The following PRKCE variants were observed in gnomAD, a reference collection of about 807,000 sequenced individuals.
PRKCE encodes protein kinase C epsilon, also known as protein kinase C epsilon type.
PRKCE carries 16 observed loss-of-function variants against 85.4 expected under a neutral mutation model. The observed-to-expected ratio is 0.19, with a 90% CI of 0.13 to 0.28. The LOEUF (loss-of-function observed/expected upper bound fraction) is 0.28, where lower values mean the gene tolerates loss of function less well. Among genes scored for constraint, PRKCE ranks in the 10% least tolerant of loss-of-function variants. PRKCE has a pLI of 1.00. For synonymous variants in PRKCE, 388 were observed against 371.5 expected, an observed-to-expected ratio of 1.04 and a Z score of -0.51; for missense variants, 573 against 975.2, an observed-to-expected ratio of 0.59 and a Z score of 5.49.
At chr2:46,082,903 A>T (rs1417031061) in intron 10 of PRKCE, among the ~76,000 whole-genome samples, 1 of 152,158 alleles carries the variant, frequency 6.6e-6, no homozygotes, top group Non-Finnish European at 1.5e-5. Context: ...TTAACATATA[A>T]TTTAACCTTC....
At chr2:45,709,688 C>G (rs1679439663) in intron 1 of PRKCE, among the ~76,000 whole-genome samples, 1 of 152,178 alleles carries the variant, frequency 6.6e-6, no homozygotes, top group African/African-American at 2.4e-5. Flanking sequence ...CAGATCTAAA[C>G]TCTTTCAAAC....
At chr2:46,034,909 T>C (rs1707763834) in intron 10 of PRKCE, among the ~76,000 whole-genome samples, 2 of 152,266 alleles carry the variant, frequency 1.3e-5, no homozygotes. Context: ...TGCTAGCTTG[T>C]TGGCATGCAC....
intron 10 of PRKCE, among the ~76,000 whole-genome samples, chr2:46,035,585 G>A (rs1170870106): frequency 6.6e-6 from 1 of 152,210 alleles, no homozygotes; most frequent in Non-Finnish European, 1.5e-5. Context: ...AGCTCAAGGA[G>A]GGAATAATAT....
chr2:46,101,426 A>G (rs2104083974), intron 11 of PRKCE, among the ~76,000 whole-genome samples: 1 of 152,302 alleles, frequency 6.6e-6, no homozygotes, highest in Non-Finnish European at 1.5e-5. Flanking sequence ...GAAAGAGGAC[A>G]TGGAAGAGTG....
Position 46,001,293 on chromosome 2 carries a change from A to G in PRKCE, c.824-111A>G. Reference sequence around the variant, plus strand: ...TATATTTCTGTATTTTCCAAATTATATCTTAAATGAACATGTAATACTTCA... The same window carrying G: ...TATATTTCTGTATTTTCCAAATTATGTCTTAAATGAACATGTAATACTTCA... On this transcript the variant is annotated intron_variant, in intron 6 of 14. Transcript: ENST00000306156. This position sits in a 1 kb window ranked among gnomAD's most constrained non-coding sequence, Gnocchi z 4.4. 1.0e-6 allele frequency: 1 copy of G among 984,020 alleles called. No homozygotes were observed. 61.0% of individuals were successfully genotyped at this position (984,020 alleles called of 1,614,324 possible).
intron 1 of PRKCE, among the ~76,000 whole-genome samples, chr2:45,806,611 A>G (rs897470375): frequency 6.6e-6 from 1 of 152,168 alleles, no homozygotes; most frequent in African/African-American, 2.4e-5. Flanking sequence ...AAGCACAGGC[A>G]ACCACCCTTC....
chr2:45,703,316 C>G (rs1484679229), intron 1 of PRKCE, among the ~76,000 whole-genome samples: 1 of 152,058 alleles, frequency 6.6e-6, no homozygotes, highest in Non-Finnish European at 1.5e-5. Context: ...AGGAGGATCA[C>G]TTGAGGCCAG....
At chr2:45,838,932 C>T (rs1691121219) in intron 1 of PRKCE, among the ~76,000 whole-genome samples, 1 of 152,108 alleles carries the variant, frequency 6.6e-6, no homozygotes, top group African/African-American at 2.4e-5. Context: ...ATGATAACTG[C>T]ACCAATGATG....
At chr2:45,870,075 C>A (rs1693968764) in intron 2 of PRKCE, among the ~76,000 whole-genome samples, 1 of 152,180 alleles carries the variant, frequency 6.6e-6, no homozygotes, top group African/African-American at 2.4e-5. Context: ...CCTGCAGTGT[C>A]CTTCCCTGCA....
At chr2:46,029,527 T>C (rs6544868) in intron 10 of PRKCE, among the ~76,000 whole-genome samples, 102,724 of 151,982 alleles carry the variant, frequency 0.68, 36,937 homozygotes, top group African/African-American at 0.92. Flanking sequence ...AACGCCACCC[T>C]TTGTGAAATG....
Position 46,004,318 on chromosome 2 carries a change from G to T in PRKCE, c.967-224G>T. The T allele has an allele frequency of 2.1e-6, 1 of 480,612 alleles. No individual in the cohort carries two copies. Among genetic ancestry groups the T allele is most frequent in the East Asian group, 3.9e-5 (1 of 25,360 alleles). The allele number at this position is 480,612 out of a possible 1,614,324, so 29.8% of individuals were successfully genotyped here. A position where few individuals can be genotyped will look rare whatever the true frequency, so the allele number is the denominator to read the frequency against. On this transcript the variant is annotated intron_variant, in intron 7 of 14. Coordinates refer to ENST00000306156, the MANE Select transcript of PRKCE (RefSeq NM_005400.3). This position sits in a 1 kb window ranked among gnomAD's most constrained non-coding sequence, Gnocchi z 4.1. ...ATCCTTCTGTGAATGTAGGGAAGGT[G>T]CACTGAAATTCCTTTTGTGGTTCTT...
chr2:46,010,595 T>C (rs1705582481), intron 10 of PRKCE, 78 bp downstream of exon 10: 7 of 1,598,892 alleles, frequency 4.4e-6, no homozygotes, highest in Non-Finnish European at 5.9e-6. Context: ...TTAGACCCTC[T>C]ACATTGTTCT....
intron 2 of PRKCE, among the ~76,000 whole-genome samples, chr2:45,844,053 C>A (rs1691579117): frequency 6.6e-6 from 1 of 152,116 alleles, no homozygotes. Context: ...CTCAAAGTCA[C>A]AATCCCACAC....
intron 2 of PRKCE, among the ~76,000 whole-genome samples, chr2:45,947,795 T>C (rs1700342210): frequency 1.3e-5 from 2 of 152,242 alleles, no homozygotes; most frequent in African/African-American, 4.8e-5. Flanking sequence ...TTCTGTAGAA[T>C]TAAAACGTTT....
intron 1 of PRKCE, among the ~76,000 whole-genome samples, chr2:45,664,041 C>T (rs1675803042): frequency 6.6e-6 from 1 of 152,214 alleles, no homozygotes; most frequent in African/African-American, 2.4e-5. Flanking sequence ...AGGAACTTTG[C>T]TTGGAGCAAA....
intron 6 of PRKCE, among the ~76,000 whole-genome samples, chr2:45,988,740 A>G (rs1343814903): frequency 6.6e-6 from 1 of 152,070 alleles, no homozygotes; most frequent in African/African-American, 2.4e-5. Flanking sequence ...CCCCTCAACC[A>G]CTATTAAACA....
intron 10 of PRKCE, among the ~76,000 whole-genome samples, chr2:46,015,691 C>CA (rs749060776): frequency 0.051 from 4,133 of 80,668 alleles, 83 homozygotes; most frequent in African/African-American, 0.093. Flanking sequence ...AACACTAAAC[C>CA]AAAAAAAAAA....
At chr2:46,143,677 G>T (rs575596113) in intron 11 of PRKCE, among the ~76,000 whole-genome samples, 2 of 152,340 alleles carry the variant, frequency 1.3e-5, no homozygotes, top group African/African-American at 4.8e-5. Flanking sequence ...CCAGAGCTGG[G>T]CCTTGACCAC....
At chr2:46,024,585 G>T (rs1706954247) in intron 10 of PRKCE, among the ~76,000 whole-genome samples, 1 of 152,104 alleles carries the variant, frequency 6.6e-6, no homozygotes, top group African/African-American at 2.4e-5. Context: ...TTATTACCTG[G>T]CTCTGGCTCT....
Sources: allele counts gnomAD v4.1 joint callset (sites outside exome capture counted in the v4.1 genomes callset), GRCh38; gene constraint gnomAD v4.1.1; non-coding constraint Gnocchi (gnomAD v3.1); transcripts MANE v1.5; gene names NCBI Gene and HGNC (gene_info 2026-07-23, HGNC 2026-07-21).